Variants in WDR7 observed in about 807,000 individuals in gnomAD.
WDR7 encodes WD repeat domain 7.
WDR7 carries 46 observed loss-of-function variants against 169.4 expected under a neutral mutation model. The ratio of observed to expected loss-of-function variants is 0.27; its 90% CI spans 0.21 to 0.35. The LOEUF (loss-of-function observed/expected upper bound fraction) is 0.35. Among genes scored for constraint, WDR7 ranks in the 10% least tolerant of loss-of-function variants. WDR7 has a pLI of 1.00. For missense variants in WDR7, 1,534 were observed against 1,859.3 expected (o/e 0.83, Z 3.22); for synonymous variants, 612 against 666.8 (o/e 0.92, Z 1.27).
intron 1 of WDR7, among the ~76,000 whole-genome samples, chr18:56,663,671 A>G (rs373293540): frequency 1.2e-4 from 3 of 25,710 alleles, no homozygotes; most frequent in Admixed American, 5.1e-4. Flanking sequence ...CAGCATATAT[A>G]CATATATATA....
chr18:57,008,081 C>T (rs757120857), intron 26 of WDR7, among the ~76,000 whole-genome samples: 3 of 152,148 alleles, frequency 2.0e-5, no homozygotes, highest in Non-Finnish European at 4.4e-5. Flanking sequence ...AATTCTCACA[C>T]TGAGCTCATT....
At chr18:57,035,583 C>T in the WDR7 span, 1 of 152,196 alleles carries the variant, frequency 6.6e-6, no homozygotes, top group Non-Finnish European at 1.5e-5. Context: ...GACATTCATT[C>T]CAGCAATGAA....
chr18:56,949,600 C>T (rs2047153065), intron 25 of WDR7, among the ~76,000 whole-genome samples: 1 of 152,198 alleles, frequency 6.6e-6, no homozygotes, highest in Admixed American at 6.5e-5. Flanking sequence ...ATAGCCTTTT[C>T]AGGTAATTTT....
intron 21 of WDR7, among the ~76,000 whole-genome samples, chr18:56,882,180 C>A (rs1478633211): frequency 2.0e-5 from 3 of 152,212 alleles, no homozygotes; most frequent in African/African-American, 7.2e-5. Context: ...GCTTAAATCT[C>A]ACCATTTCTA....
chr18:56,718,635 A>G (rs1475912090), intron 13 of WDR7, among the ~76,000 whole-genome samples: 6 of 152,250 alleles, frequency 3.9e-5, no homozygotes, highest in Non-Finnish European at 7.3e-5. Context: ...TGGGGGTATA[A>G]TGTAGAAATA....
Position 56,672,032 on chromosome 18 carries a change from G to T in WDR7, c.-19-465G>T, listed in dbSNP as rs576140925. 5.9e-5 allele frequency among the ~76,000 whole-genome samples: 9 copies of T among 152,234 alleles called. No homozygotes were observed. The South Asian group carries it at 1.9e-3, about 32-fold the overall frequency. On this transcript the variant is annotated intron_variant, in intron 1 of 27. Transcript: ENST00000254442. ...TCTGAAGGTCAAGATTTGTATTTGA[G>T]TTTTATGACTTGCTAGTTCTGTGTC...
chr18:56,793,957 C>G (rs2044536910), intron 19 of WDR7, among the ~76,000 whole-genome samples: 1 of 152,080 alleles, frequency 6.6e-6, no homozygotes. Context: ...ATCAGTGAAT[C>G]TTTTTTTCTT....
intron 12 of WDR7, among the ~76,000 whole-genome samples, chr18:56,697,404 T>A (rs1265821252): frequency 6.6e-6 from 1 of 152,230 alleles, no homozygotes; most frequent in East Asian, 1.9e-4. Context: ...TTGTTTGATT[T>A]GATATTGGTG....
intron 26 of WDR7, among the ~76,000 whole-genome samples, chr18:57,017,881 A>G (rs2048229382): frequency 6.6e-6 from 1 of 152,230 alleles, no homozygotes; most frequent in Non-Finnish European, 1.5e-5. Context: ...TTCAGCTGAA[A>G]TAGAAGTACC....
chr18:57,003,222 TC>T (rs58692744), intron 26 of WDR7, among the ~76,000 whole-genome samples: 43,965 of 151,886 alleles, frequency 0.29, 6,986 homozygotes, highest in Non-Finnish European at 0.36. Flanking sequence ...GTTTTGTGCT[TC>T]TTCAGTGTTT....
intron 27 of WDR7, among the ~76,000 whole-genome samples, chr18:57,026,539 T>C (rs2048368528): frequency 1.3e-5 from 2 of 152,220 alleles, no homozygotes. Flanking sequence ...GATCCAATTG[T>C]CACTCTATCT....
rs2046294208 is a variant in WDR7 at position 56,893,631 on chromosome 18, A to G, written c.3526+13466A>G. 4.6e-5 allele frequency among the ~76,000 whole-genome samples: 7 copies of G among 152,094 alleles called. No individual in the cohort carries two copies. The South Asian group carries it at 1.5e-3, about 32-fold the overall frequency. ...TGGACTTCTTGTTGCTACCCAATTCAACTGGACACTGCCAGACCCAAGTCC... is the reference window on the plus strand; with the variant it reads ...TGGACTTCTTGTTGCTACCCAATTCGACTGGACACTGCCAGACCCAAGTCC... On this transcript the variant is annotated intron_variant, in intron 21 of 27. Coordinates refer to ENST00000254442, the MANE Select transcript of WDR7 (RefSeq NM_015285.3).
rs554313419 is a variant in WDR7, at chr18:56,651,404, A to T, written c.-192A>T. On this transcript the variant is annotated 5_prime_UTR_variant, in exon 1 of 28. Transcript: ENST00000254442. ...GGCGGCGGCGGCACCGGCACCTTGC[A>T]GTATCACTGGGGAGACGGCGGCTGT... 4.6e-5 allele frequency: 7 copies of T among 153,502 alleles called. No individual in the cohort carries two copies. Among genetic ancestry groups the T allele is most frequent in the African/African-American group, 1.4e-4 (6 of 41,546 alleles). 9.5% of individuals were successfully genotyped at this position (153,502 alleles called of 1,614,324 possible). A position where few individuals can be genotyped will look rare whatever the true frequency, so the allele number is the denominator to read the frequency against.
intron 14 of WDR7, chr18:56,753,439 T>C (rs2043825431): frequency 6.6e-6 from 1 of 152,204 alleles, no homozygotes; most frequent in African/African-American, 2.4e-5. Context: ...GAAATGTTCC[T>C]GTAGAGTATA....
downstream of WDR7, chr18:57,034,152 G>C (rs988139881): frequency 1.3e-5 from 2 of 151,990 alleles, no homozygotes; most frequent in African/African-American, 4.8e-5. Context: ...CTGGGTGACA[G>C]AGACTCAGCA....
downstream of WDR7, chr18:57,029,856 A>G (rs1176791804): frequency 6.6e-6 from 1 of 152,218 alleles, no homozygotes; most frequent in African/African-American, 2.4e-5. Context: ...CTCAGTTGAA[A>G]TCCGTATGCT....
intron 26 of WDR7, among the ~76,000 whole-genome samples, chr18:57,001,362 C>T (rs187199425): frequency 1.3e-5 from 2 of 151,888 alleles, no homozygotes; most frequent in Non-Finnish European, 2.9e-5. Context: ...TGTGGGAGCA[C>T]TGTCGGTTGA....
intron 20 of WDR7, among the ~76,000 whole-genome samples, chr18:56,878,794 A>G (rs2046064531): frequency 1.3e-5 from 2 of 152,330 alleles, no homozygotes; most frequent in East Asian, 3.9e-4. Flanking sequence ...AACATTTCAT[A>G]TAAATGGAAT....
intron 13 of WDR7, among the ~76,000 whole-genome samples, chr18:56,726,511 A>C (rs1402804194): frequency 6.6e-6 from 1 of 152,182 alleles, no homozygotes; most frequent in Non-Finnish European, 1.5e-5. Context: ...TTGTATCCTG[A>C]GACTTTGCTG....
Sources: gnomAD v4.1 joint callset for allele counts (sites outside exome capture counted in the v4.1 genomes callset) on GRCh38, gnomAD v4.1.1 for gene constraint, MANE v1.5 for transcripts, NCBI Gene and HGNC (gene_info 2026-07-23, HGNC 2026-07-21) for gene names.